ANKRD44: variants seen among roughly 807,000 people sequenced by gnomAD.
The protein encoded by ANKRD44 is ankyrin repeat domain 44, also known as serine/threonine-protein phosphatase 6 regulatory ankyrin repeat subunit B.
In ANKRD44, 35 loss-of-function variants were observed where a neutral mutation model predicts 116.0. That is an observed-to-expected ratio of 0.30 (90% CI 0.23 to 0.40). The LOEUF is 0.40. ANKRD44 is among the 10% of genes least tolerant of loss of function. ANKRD44 has a pLI of 1.00. For missense variants in ANKRD44, 1,014 were observed against 1,242.6 expected, an observed-to-expected ratio of 0.82 and a Z score of 2.77; for synonymous variants, 435 against 461.8, an observed-to-expected ratio of 0.94 and a Z score of 0.74.
intron 18 of ANKRD44, among the ~76,000 whole-genome samples, chr2:197,010,067 C>T (rs4850745): frequency 0.17 from 25,019 of 151,308 alleles, 2,284 homozygotes; most frequent in African/African-American, 0.25. Flanking sequence ...AGGAGGAAGG[C>T]GAGGAAGGAA....
chr2:197,030,936 A>G (rs1439240214), intron 16 of ANKRD44, among the ~76,000 whole-genome samples: 1 of 152,058 alleles, frequency 6.6e-6, no homozygotes. Context: ...TCAACCTCCC[A>G]AAGTGCTAGG....
chr2:196,995,606 C>T, intron 25 of ANKRD44, 145 bp from the exon 26 acceptor site: 1 of 587,516 alleles, frequency 1.7e-6, no homozygotes, highest in Non-Finnish European at 2.9e-6. Flanking sequence ...AATTTTTTTT[C>T]TTCTCAACAA....
chr2:197,154,917 A>G (rs2079769722), intron 2 of ANKRD44, among the ~76,000 whole-genome samples: 1 of 152,184 alleles, frequency 6.6e-6, no homozygotes, highest in East Asian at 1.9e-4. Context: ...ACATGGATAT[A>G]TATTTCTCAT....
At position 197,136,661 on chromosome 2, in the gene ANKRD44, T is replaced by G; in HGVS notation, c.192A>C (p.Gly64=). 6.2e-7 allele frequency: 1 copy of G among 1,614,064 alleles called. No individual in the cohort carries two copies. The highest frequency in any genetic ancestry group is 8.5e-7 in the Non-Finnish European group (1 of 1,179,976). The change falls in exon 4 of 28, where the codon GGA becomes GGC. Residue 64 remains glycine, a splice_region_variant and synonymous_variant. Transcript: ENST00000282272. ...TGTTGTCCTTGGCATTTACACGAGC[T>G]CCTGGAATCAAACAGCACAAGTTAG... ...AEIIELLILS[G]ARVNAKDNMW... is the part of the protein sequence containing the mutation.
At chr2:197,161,031 CA>C (rs527732509) in intron 2 of ANKRD44, among the ~76,000 whole-genome samples, 1 of 151,406 alleles carries the variant, frequency 6.6e-6, no homozygotes, top group South Asian at 2.1e-4. Context: ...TCTGTATCAA[CA>C]AAAAAAAGGA....
chr2:197,152,921 A>G (rs1179334090), intron 2 of ANKRD44, among the ~76,000 whole-genome samples: 3 of 152,212 alleles, frequency 2.0e-5, no homozygotes, highest in Admixed American at 1.3e-4. Flanking sequence ...TATGAAATAC[A>G]GAAGTTAAGT....
At chr2:197,162,986 G>C (rs528859368) in intron 2 of ANKRD44, among the ~76,000 whole-genome samples, 1 of 152,200 alleles carries the variant, frequency 6.6e-6, no homozygotes, top group East Asian at 1.9e-4. Context: ...ACAGAGAACC[G>C]GTTGTCTACT....
intron 1 of ANKRD44, among the ~76,000 whole-genome samples, chr2:197,280,676 A>T (rs1032495899): frequency 1.3e-5 from 2 of 152,218 alleles, no homozygotes; most frequent in Admixed American, 6.5e-5. Context: ...GGATTGTACT[A>T]CTGAACTTGA....
At chr2:197,130,398 G>A (rs985227536) in intron 4 of ANKRD44, among the ~76,000 whole-genome samples, 17 of 152,174 alleles carry the variant, frequency 1.1e-4, no homozygotes, top group Admixed American at 6.5e-5. Context: ...CATTAGGAAC[G>A]GCAGACACTA....
chr2:197,169,715 G>C (rs373245206), intron 2 of ANKRD44, among the ~76,000 whole-genome samples: 2 of 152,112 alleles, frequency 1.3e-5, no homozygotes, highest in South Asian at 2.1e-4. Flanking sequence ...CAAATCAGAA[G>C]CTCTGAGGGT....
chr2:197,127,016 A>G (rs2078992560), intron 4 of ANKRD44, among the ~76,000 whole-genome samples: 1 of 152,128 alleles, frequency 6.6e-6, no homozygotes, highest in Non-Finnish European at 1.5e-5. Flanking sequence ...GTTTAAAATG[A>G]TTATGGAATT....
At position 197,310,746 on chromosome 2, in the gene ANKRD44, C is replaced by A; in HGVS notation, c.-142G>T. The A allele has an allele frequency of 1.2e-6, 1 of 800,884 alleles. No individual in the cohort carries two copies. The highest frequency in any genetic ancestry group is 2.9e-5 in the South Asian group (1 of 34,790). 49.6% of individuals were successfully genotyped at this position (800,884 alleles called of 1,614,324 possible). A position where few individuals can be genotyped will look rare whatever the true frequency, so the allele number is the denominator to read the frequency against. On this transcript the variant is annotated 5_prime_UTR_variant, in exon 1 of 28. Transcript: ENST00000282272. ...TGACAGCCCTCCCCCTGCTCCTCCTCCGCCGCCGCCTCCTCCCGCCGAGAG... is the reference window on the plus strand; with the variant it reads ...TGACAGCCCTCCCCCTGCTCCTCCTACGCCGCCGCCTCCTCCCGCCGAGAG...
intron 1 of ANKRD44, chr2:197,263,113 G>A: frequency 2.1e-6 from 1 of 474,128 alleles, no homozygotes. Context: ...CCCTGAAAAT[G>A]TACACCTGCT....
intron 2 of ANKRD44, among the ~76,000 whole-genome samples, chr2:197,162,572 T>G (rs1022946672): frequency 6.6e-6 from 1 of 152,220 alleles, no homozygotes; most frequent in Non-Finnish European, 1.5e-5. Flanking sequence ...GGACAATGTT[T>G]TATTTTAAAG....
chr2:197,063,679 G>A lies in ANKRD44; in HGVS notation c.1650+15024C>T, dbSNP rs188268445. ...ATGCACAAGCTTCAGTAGCCGATTC[G>A]ATCAACTGGAAGAAACAGTATCAGC... On this transcript the variant is annotated intron_variant, in intron 16 of 27. Coordinates refer to ENST00000282272, the MANE Select transcript of ANKRD44 (RefSeq NM_001195144.2). Among the ~76,000 whole-genome samples the A allele has an allele frequency of 2.0e-3, 306 of 152,264 alleles. 5 individuals are homozygous for A. The highest frequency in any genetic ancestry group is 0.016 in the Admixed American group (247 of 15,296).
intron 16 of ANKRD44, among the ~76,000 whole-genome samples, chr2:197,039,686 T>C (rs1184844842): frequency 0.17 from 1,578 of 9,360 alleles, 10 homozygotes; most frequent in Non-Finnish European, 0.19. Context: ...TGTGCGTGTG[T>C]GTGTGTGTGT....
downstream of ANKRD44, among the ~76,000 whole-genome samples, chr2:196,984,989 T>G (rs191196555): frequency 6.6e-5 from 10 of 152,342 alleles, no homozygotes; most frequent in African/African-American, 2.2e-4. Context: ...AAATATCACT[T>G]CTGAAATTCA....
At chr2:197,080,495 T>C (rs2077768302) in intron 15 of ANKRD44, among the ~76,000 whole-genome samples, 1 of 152,246 alleles carries the variant, frequency 6.6e-6, no homozygotes, top group Non-Finnish European at 1.5e-5. Flanking sequence ...CCTCCCTCTC[T>C]ATCAGCTTGT....
At chr2:197,230,552 G>C (rs1380207995) in intron 1 of ANKRD44, among the ~76,000 whole-genome samples, 1 of 152,032 alleles carries the variant, frequency 6.6e-6, no homozygotes, top group African/African-American at 2.4e-5. Context: ...TCACCAGAGT[G>C]ACCAAAGAAA....
Sources: allele counts gnomAD v4.1 joint callset (sites outside exome capture counted in the v4.1 genomes callset), GRCh38; gene constraint gnomAD v4.1.1; transcripts MANE v1.5; gene names NCBI Gene and HGNC (gene_info 2026-07-23, HGNC 2026-07-21).